ANO5: variants seen among roughly 807,000 people sequenced by gnomAD.
ANO5 encodes the protein anoctamin-5.
ANO5 carries 109 observed loss-of-function variants against 121.0 expected under a neutral mutation model. The ratio of observed to expected loss-of-function variants is 0.90; its 90% confidence interval spans 0.77 to 1.06. The LOEUF is 1.06. Among genes scored for constraint, ANO5 ranks in the 50% least tolerant of loss-of-function variants. ANO5 has a pLI of 0.00. For synonymous variants in ANO5, 406 were observed against 359.9 expected (o/e 1.13, Z -1.45); for missense variants, 1,064 against 1,078.5 (o/e 0.99, Z 0.19).
chr11:22,199,137 G>C (rs1851891520), intron 1 of ANO5, among the ~76,000 whole-genome samples: 1 of 152,140 alleles, frequency 6.6e-6, no homozygotes, highest in East Asian at 1.9e-4. Flanking sequence ...GCAACACAAA[G>C]ATCTGAATAC....
chr11:22,225,904 A>G (rs954832309), intron 5 of ANO5, 80 bp from the exon 6 acceptor site: 17 of 1,072,444 alleles, frequency 1.6e-5, no homozygotes, highest in Middle Eastern at 2.0e-4. Flanking sequence ...AGTCACAGCC[A>G]TTGTATATTG....
intron 8 of ANO5, among the ~76,000 whole-genome samples, chr11:22,237,572 G>A (rs752950021): frequency 5.9e-5 from 9 of 151,960 alleles, no homozygotes; most frequent in Non-Finnish European, 1.0e-4. Context: ...TGTATTTTTA[G>A]TAGAGACGGG....
intron 7 of ANO5, among the ~76,000 whole-genome samples, chr11:22,235,960 G>A (rs1393023102): frequency 6.6e-6 from 1 of 152,090 alleles, no homozygotes; most frequent in Non-Finnish European, 1.5e-5. Context: ...TCAAATGAAT[G>A]CTCTCAGACT....
intron 17 of ANO5, among the ~76,000 whole-genome samples, chr11:22,266,977 A>G (rs189775585): frequency 7.2e-5 from 11 of 152,338 alleles, no homozygotes; most frequent in Admixed American, 1.3e-4. Context: ...GATGAACAAA[A>G]TTACATAACT....
At position 22,276,185 on chromosome 11, in the gene ANO5, A is replaced by G; in HGVS notation, c.2506A>G (p.Ile836Val). The change falls in exon 21 of 22, where the codon ATC becomes GTC. Residue 836 changes from isoleucine (I) to valine (V), a missense_variant. Ile to Val is a conservative substitution (Grantham distance 29, BLOSUM62 3). Transcript: ENST00000324559. ...TGTCCTTGCTGCCAAGATGACCTTC[A>G]TCATTGTTATGGAAGTAAGCTGTTC... ...WHVLAAKMTFIIVMEHVVFLV... is the reference protein window; with the variant it reads ...WHVLAAKMTFVIVMEHVVFLV... 1 of 1,609,182 alleles carries G rather than the reference A, an allele frequency of 6.2e-7. No individual in the cohort carries two copies.
chr11:22,276,428 A>G (rs1361764607), intron 21 of ANO5, among the ~76,000 whole-genome samples: 2 of 151,820 alleles, frequency 1.3e-5, no homozygotes, highest in African/African-American at 2.4e-5. Flanking sequence ...GGAAAGGAAA[A>G]CAAATATGGT....
At chr11:22,271,179 G>A (rs1044038040) in intron 18 of ANO5, among the ~76,000 whole-genome samples, 1 of 152,094 alleles carries the variant, frequency 6.6e-6, no homozygotes, top group Non-Finnish European at 1.5e-5. Flanking sequence ...CAGGAGAATT[G>A]CCTGTAGCTG....
In ANO5 at chr11:22,281,806, A is replaced by C. The variant is rs996551366; in HGVS notation, c.*2041A>C. The C allele has an allele frequency of 1.3e-5, 2 of 152,132 alleles. No homozygotes were observed. The highest frequency in any genetic ancestry group is 4.8e-5 in the African/African-American group (2 of 41,458). 9.4% of individuals were successfully genotyped at this position (152,132 alleles called of 1,614,324 possible). A position where few individuals can be genotyped will look rare whatever the true frequency, so the allele number is the denominator to read the frequency against. ...AGTTTTAAAATATACCAACTAAATT[A>C]TTGGGTTTCTGGAAGTGAATGGAGA... On this transcript the variant is annotated 3_prime_UTR_variant, in exon 22 of 22. Coordinates refer to ENST00000324559, the MANE Select transcript of ANO5 (RefSeq NM_213599.3).
chr11:22,213,872 A>G (rs1852358692), intron 3 of ANO5, among the ~76,000 whole-genome samples: 1 of 148,812 alleles, frequency 6.7e-6, no homozygotes, highest in South Asian at 2.1e-4. Context: ...AGCTTTGGCT[A>G]TTGGAAGTGG....
At chr11:22,230,539 C>T (rs1853005134) in intron 7 of ANO5, among the ~76,000 whole-genome samples, 1 of 151,932 alleles carries the variant, frequency 6.6e-6, no homozygotes, top group African/African-American at 2.4e-5. Flanking sequence ...TCTTAAATTT[C>T]AGTTTGTAAA....
At chr11:22,217,062 CTT>C (rs2133573435) in intron 3 of ANO5, among the ~76,000 whole-genome samples, 1 of 151,952 alleles carries the variant, frequency 6.6e-6, no homozygotes, top group East Asian at 1.9e-4. Context: ...TGTCTTGTAT[CTT>C]TTGTATTTTA....
chr11:22,226,202 G>C (rs950256606), intron 6 of ANO5, 150 bp downstream of exon 6: 10 of 664,638 alleles, frequency 1.5e-5, no homozygotes, highest in Non-Finnish European at 2.4e-5. Flanking sequence ...AGGGCCTGTG[G>C]TCTTACAGGT....
chr11:22,238,279 T>TTTG (rs1554926728), intron 8 of ANO5, among the ~76,000 whole-genome samples: 2 of 16,420 alleles, frequency 1.2e-4, no homozygotes, highest in African/African-American at 2.1e-4. Flanking sequence ...GACCTCATAG[T>TTTG]TTTTTTTTTT....
In ANO5 at chr11:22,262,968, T is replaced by C. The variant is rs763783201; in HGVS notation, c.1823T>C (p.Ile608Thr). 18 of 1,613,508 alleles carry C rather than the reference T, an allele frequency of 1.1e-5. No homozygotes were observed. The South Asian group carries it at 1.5e-4, about 14-fold the overall frequency. The part of the protein sequence containing the change: ...SEECDPGGCL[I>T]ELTTQLTIIM... ...TAGTGTGATCCTGGAGGCTGTCTTA[T>C]AGAATTGACAACCCAATTGACCATT... Residue 608 changes from isoleucine (I) to threonine (T), a missense_variant, in exon 17 of 22, where the codon ATA (isoleucine) becomes ACA (threonine). Coordinates refer to ENST00000324559, the MANE Select transcript of ANO5 (RefSeq NM_213599.3).
At chr11:22,205,835 C>A (rs986332436) in intron 2 of ANO5, among the ~76,000 whole-genome samples, 1 of 152,086 alleles carries the variant, frequency 6.6e-6, no homozygotes, top group Non-Finnish European at 1.5e-5. Flanking sequence ...ATACTACTAA[C>A]AACTCTACAC....
intron 1 of ANO5, among the ~76,000 whole-genome samples, chr11:22,202,533 A>T (rs139002675): frequency 1.2e-3 from 181 of 152,194 alleles, no homozygotes; most frequent in African/African-American, 4.0e-3. Context: ...TATTTCTCAC[A>T]GTTCTGGGTG....
intron 14 of ANO5, 64 bp downstream of exon 14, chr11:22,257,818 A>C (rs368026520): frequency 1.5e-5 from 20 of 1,343,740 alleles, no homozygotes; most frequent in Non-Finnish European, 2.1e-5. Flanking sequence ...CTATCTCAAC[A>C]GTGTTACCTA....
intron 17 of ANO5, among the ~76,000 whole-genome samples, chr11:22,268,792 G>A (rs898268297): frequency 6.6e-6 from 1 of 152,120 alleles, no homozygotes; most frequent in East Asian, 1.9e-4. Context: ...GAGGAGGGAG[G>A]ATTGCTTGAG....
chr11:22,220,703 T>A (rs989333365), intron 4 of ANO5, among the ~76,000 whole-genome samples: 2 of 151,986 alleles, frequency 1.3e-5, no homozygotes, highest in Non-Finnish European at 2.9e-5. Flanking sequence ...ATAGTGAGAC[T>A]CCATTAATTG....
Sources: gnomAD v4.1 joint callset for allele counts (sites outside exome capture counted in the v4.1 genomes callset) on GRCh38, gnomAD v4.1.1 for gene constraint, MANE v1.5 for transcripts, NCBI Gene and HGNC (gene_info 2026-07-23, HGNC 2026-07-21) for gene names.